Variants in CCDC73 observed in about 807,000 individuals in gnomAD.
The protein encoded by CCDC73 is coiled-coil domain containing 73.
In CCDC73, 95 loss-of-function variants were observed where a neutral mutation model predicts 116.5. The ratio of observed to expected loss-of-function variants is 0.82; its 90% CI spans 0.69 to 0.97. The LOEUF (loss-of-function observed/expected upper bound fraction) is 0.97. CCDC73 is among the 50% of genes least tolerant of loss of function. The probability of loss-of-function intolerance (pLI) is 0.00; values close to 1 mark genes in which losing one functional copy is unlikely to be tolerated. For synonymous variants in CCDC73, 398 were observed against 401.3 expected (o/e 0.99, Z 0.10); for missense variants, 1,066 against 1,206.8 (o/e 0.88, Z 1.73).
At chr11:32,657,420 T>C (rs1855883732) in intron 9 of CCDC73, among the ~76,000 whole-genome samples, 1 of 152,226 alleles carries the variant, frequency 6.6e-6, no homozygotes, top group Non-Finnish European at 1.5e-5. Flanking sequence ...ACAATTAGTA[T>C]ATATCGAAGG....
intron 2 of CCDC73, among the ~76,000 whole-genome samples, chr11:32,733,968 T>C (rs966973507): frequency 2.0e-5 from 3 of 152,112 alleles, no homozygotes; most frequent in Non-Finnish European, 4.4e-5. Flanking sequence ...TTCAAAAAAA[T>C]CAATGAATCC....
intron 6 of CCDC73, among the ~76,000 whole-genome samples, chr11:32,697,077 C>T (rs1355613471): frequency 1.3e-5 from 2 of 151,820 alleles, no homozygotes; most frequent in East Asian, 1.9e-4. Flanking sequence ...TTACACAATC[C>T]TCCAGTCTCA....
At chr11:32,739,637 G>A (rs1167278412) in intron 2 of CCDC73, among the ~76,000 whole-genome samples, 1 of 152,066 alleles carries the variant, frequency 6.6e-6, no homozygotes, top group Non-Finnish European at 1.5e-5. Context: ...CATATCATCT[G>A]CAAACAAGGA....
Position 32,614,496 on chromosome 11 carries a change from G to C in CCDC73, c.1822C>G (p.Pro608Ala), listed in dbSNP as rs751456252. The change falls in exon 16 of 18, where the codon CCA becomes GCA. Residue 608 changes from proline (P) to alanine (A), a missense_variant. Pro to Ala is a conservative substitution (Grantham distance 27). Coordinates refer to ENST00000335185, the MANE Select transcript of CCDC73 (RefSeq NM_001008391.4). ...TCTAGAGCATGTTCTCGAGTCCCTGGAAGCAATCTGAATTGTTTGAATGGC... is the reference window on the plus strand; with the variant it reads ...TCTAGAGCATGTTCTCGAGTCCCTGCAAGCAATCTGAATTGTTTGAATGGC... The part of the protein sequence containing the change: ...NEPFKQFRLL[P>A]GTREHALEKE... The C allele has an allele frequency of 6.2e-7, 1 of 1,613,256 alleles. No individual in the cohort carries two copies. Among genetic ancestry groups the C allele is most frequent in the Admixed American group, 1.7e-5 (1 of 59,928 alleles).
chr11:32,636,826 T>A (rs528334253), intron 13 of CCDC73, among the ~76,000 whole-genome samples: 2 of 151,894 alleles, frequency 1.3e-5, no homozygotes, highest in African/African-American at 2.4e-5. Flanking sequence ...AAACTCTCCA[T>A]GTGTTCTTCA....
intron 1 of CCDC73, among the ~76,000 whole-genome samples, chr11:32,766,768 A>G (rs188011240): frequency 7.5e-4 from 114 of 152,284 alleles, no homozygotes; most frequent in African/African-American, 2.7e-3. Context: ...TACAAGGGAC[A>G]TGAAGGACCT....
intron 17 of CCDC73, chr11:32,605,193 T>C (rs1237951994): frequency 6.7e-6 from 1 of 148,308 alleles, no homozygotes; most frequent in East Asian, 2.0e-4. Flanking sequence ...TGAACTTAAA[T>C]GTTTAGAATG....
chr11:32,669,697 TA>T (rs1363038315), intron 9 of CCDC73, among the ~76,000 whole-genome samples: 3 of 150,664 alleles, frequency 2.0e-5, no homozygotes, highest in Non-Finnish European at 4.4e-5. Context: ...ATCCCACAAA[TA>T]AATGAGAACT....
intron 6 of CCDC73, among the ~76,000 whole-genome samples, chr11:32,691,087 C>A (rs1256304464): frequency 6.6e-6 from 1 of 151,854 alleles, no homozygotes; most frequent in Non-Finnish European, 1.5e-5. Flanking sequence ...TCTTGTCCCC[C>A]AGGCTGGAGT....
chr11:32,812,888 C>A, the CCDC73 span, among the ~76,000 whole-genome samples: 1 of 152,108 alleles, frequency 6.6e-6, no homozygotes, highest in Non-Finnish European at 1.5e-5. Context: ...TTTAACAAAT[C>A]TTTCACTTAT....
At chr11:32,613,290 GA>G (rs1855439037) in intron 16 of CCDC73, 131 bp downstream of exon 16, 2 of 748,192 alleles carry the variant, frequency 2.7e-6, no homozygotes, top group Non-Finnish European at 4.2e-6. Flanking sequence ...AAAAACAAAA[GA>G]ATATTAAGTT....
chr11:32,702,805 A>G, intron 4 of CCDC73, 68 bp downstream of exon 4: 1 of 1,057,154 alleles, frequency 9.5e-7, no homozygotes, highest in Non-Finnish European at 1.5e-6. Flanking sequence ...GCTTGCCATA[A>G]TATTCATAGG....
At chr11:32,780,390 G>A (rs1850572713) in intron 1 of CCDC73, among the ~76,000 whole-genome samples, 1 of 151,824 alleles carries the variant, frequency 6.6e-6, no homozygotes, top group African/African-American at 2.4e-5. Context: ...TGTAAAAGAG[G>A]CATTCAAATA....
At chr11:32,744,529 G>T (rs543742593) in intron 2 of CCDC73, among the ~76,000 whole-genome samples, 1 of 152,092 alleles carries the variant, frequency 6.6e-6, no homozygotes, top group Admixed American at 6.6e-5. Context: ...CTGTGAATCC[G>T]TCTGGTCCTG....
chr11:32,818,170 G>A, the CCDC73 span, among the ~76,000 whole-genome samples: 1 of 152,220 alleles, frequency 6.6e-6, no homozygotes, highest in African/African-American at 2.4e-5. Flanking sequence ...TACCTTACAT[G>A]GGTCTTACAA....
At chr11:32,829,866 G>C in the CCDC73 span, 1 of 985,538 alleles carries the variant, frequency 1.0e-6, no homozygotes, top group Non-Finnish European at 1.2e-6. Flanking sequence ...GCCGCAGGTA[G>C]GCCCGGCCCC....
rs1491234373 is a variant in CCDC73 at position 32,698,010 on chromosome 11, AAT to A, written c.390+1239_390+1240del. On this transcript the variant is annotated intron_variant, in intron 6 of 17. Coordinates refer to ENST00000335185, the MANE Select transcript of CCDC73 (RefSeq NM_001008391.4). ...TCTGTTGTTTCTTTGTCTAACACTGAATTTTTTTTTTTTTTTTTTTTTTTTTT... is the reference window on the plus strand; with the variant it reads ...TCTGTTGTTTCTTTGTCTAACACTGATTTTTTTTTTTTTTTTTTTTTTTTT... 6.5e-3 allele frequency among the ~76,000 whole-genome samples: 770 copies of A among 117,674 alleles called. 116 individuals carry two copies. Among genetic ancestry groups the A allele is most frequent in the South Asian group, 0.014 (51 of 3,716 alleles). 77.2% of individuals were successfully genotyped at this position (117,674 alleles called of 152,430 possible). A position where few individuals can be genotyped will look rare whatever the true frequency, so the allele number is the denominator to read the frequency against.
intron 2 of CCDC73, chr11:32,758,405 T>C: frequency 2.0e-6 from 1 of 502,284 alleles, no homozygotes; most frequent in East Asian, 5.5e-5. Context: ...AATCTCCACG[T>C]GGCATGCCTC....
chr11:32,748,578 AAGT>A (rs1355489749), intron 2 of CCDC73, among the ~76,000 whole-genome samples: 1 of 152,170 alleles, frequency 6.6e-6, no homozygotes, highest in Non-Finnish European at 1.5e-5. Flanking sequence ...CTTAAGATAT[AAGT>A]AGTTTACACA....
Sources: gnomAD v4.1 joint callset for allele counts (sites outside exome capture counted in the v4.1 genomes callset) on GRCh38, gnomAD v4.1.1 for gene constraint, MANE v1.5 for transcripts, NCBI Gene and HGNC (gene_info 2026-07-23, HGNC 2026-07-21) for gene names.